Variants in BIVM observed in about 807,000 individuals in gnomAD.
BIVM encodes basic immunoglobulin-like variable motif-containing protein.
BIVM carries 31 observed loss-of-function variants against 61.4 expected under a neutral mutation model. The ratio of observed to expected loss-of-function variants is 0.51; its 90% CI spans 0.38 to 0.68. The LOEUF is 0.68. Among genes scored for constraint, BIVM ranks in the 30% least tolerant of loss-of-function variants. The pLI, the probability that BIVM is intolerant of heterozygous loss-of-function variation, is 0.00. For missense variants in BIVM, 526 were observed against 596.0 expected, an observed-to-expected ratio of 0.88 and a Z score of 1.22; for synonymous variants, 189 against 210.7, an observed-to-expected ratio of 0.90 and a Z score of 0.89.
At chr13:102,822,188 C>T (rs777957929) in intron 7 of BIVM, 29 bp downstream of exon 7, 59 of 1,582,332 alleles carry the variant, frequency 3.7e-5, no homozygotes, top group Non-Finnish European at 4.8e-5. Flanking sequence ...GATTTACATA[C>T]ACACATACAC....
rs1384526344 is a variant in BIVM at position 102,831,666 on chromosome 13, G to GCAA, written c.1005_1007dup (p.Thr336dup). 6.2e-7 allele frequency: 1 copy of GCAA among 1,613,988 alleles called. No homozygotes were observed. The highest frequency in any genetic ancestry group is 1.3e-5 in the African/African-American group (1 of 74,896). On this transcript the variant is annotated inframe_insertion, in exon 8 of 11. Coordinates refer to ENST00000257336, the MANE Select transcript of BIVM (RefSeq NM_017693.4). ...TTATTTTTGTCCAATTGGCTTCGAA[G>GCAA]CAACCCCTGTTAAAGCTAATAAAGC...
At position 102,831,622 on chromosome 13, in the gene BIVM, T is replaced by C. The variant is rs1405622998; in HGVS notation, c.959T>C (p.Ile320Thr). 1.2e-6 allele frequency: 2 copies of C among 1,614,146 alleles called. No homozygotes were observed. Residue 320 changes from isoleucine (I) to threonine (T), a missense_variant, in exon 8 of 11, where the codon ATC becomes ACC. Ile to Thr is a moderately conservative substitution (Grantham distance 89). Transcript: ENST00000257336. ...TTGAAAGATGAATCGCTGGCTTATA[T>C]CTATCATTGCCAAAATCATTATTTT... ...RGLKDESLAY[I>T]YHCQNHYFCP...
intron 3 of BIVM, among the ~76,000 whole-genome samples, chr13:102,812,896 A>G (rs1879598775): frequency 6.6e-6 from 1 of 152,234 alleles, no homozygotes; most frequent in Non-Finnish European, 1.5e-5. Flanking sequence ...ATCAGAACAC[A>G]GATTTCCAAT....
At position 102,799,374 on chromosome 13, in the gene BIVM, C is replaced by G. The variant is rs1878587604; in HGVS notation, c.-354C>G. The G allele has an allele frequency of 6.5e-6, 1 of 154,272 alleles. No individual in the cohort carries two copies. The highest frequency in any genetic ancestry group is 1.4e-5 in the Non-Finnish European group (1 of 69,506). The allele number at this position is 154,272 out of a possible 1,614,324, so 9.6% of individuals were successfully genotyped here. A position where few individuals can be genotyped will look rare whatever the true frequency, so the allele number is the denominator to read the frequency against. ...GACGACCTGTCGCCGGGCACCGCAG[C>G]ATCCTCGCTCGCTCCGATGGGACGA... On this transcript the variant is annotated 5_prime_UTR_variant, in exon 1 of 11. Transcript: ENST00000257336.
chr13:102,837,303 T>C (rs1179403458), intron 9 of BIVM, among the ~76,000 whole-genome samples: 1 of 152,296 alleles, frequency 6.6e-6, no homozygotes, highest in South Asian at 2.1e-4. Flanking sequence ...ATTCATAGTT[T>C]AGTTTTGGAA....
intron 9 of BIVM, among the ~76,000 whole-genome samples, chr13:102,836,786 A>G (rs534071930): frequency 1.1e-4 from 16 of 152,126 alleles, no homozygotes; most frequent in Non-Finnish European, 1.9e-4. Context: ...ACCCTGTCCT[A>G]CTAATCTGTC....
intron 7 of BIVM, among the ~76,000 whole-genome samples, chr13:102,825,269 A>G (rs1237847710): frequency 6.7e-6 from 1 of 150,188 alleles, no homozygotes; most frequent in Non-Finnish European, 1.5e-5. Context: ...AATTTTTTTC[A>G]ATTAAATTTT....
At chr13:102,827,478 C>A (rs778109648) in intron 7 of BIVM, among the ~76,000 whole-genome samples, 2 of 151,234 alleles carry the variant, frequency 1.3e-5, no homozygotes, top group Non-Finnish European at 2.9e-5. Flanking sequence ...CCAGAATATT[C>A]GACTTTTTAC....
intron 8 of BIVM, among the ~76,000 whole-genome samples, chr13:102,833,607 G>T (rs1007238988): frequency 2.0e-5 from 3 of 152,116 alleles, no homozygotes; most frequent in Non-Finnish European, 4.4e-5. Flanking sequence ...ATAGACGTGA[G>T]CCACCACACC....
rs1465161335 is a variant in BIVM at position 102,821,112 on chromosome 13, C to T, written c.681C>T (p.Tyr227=). The change falls in exon 5 of 11, where the codon TAC becomes TAT. Residue 227 remains tyrosine, a synonymous_variant. Transcript: ENST00000257336. ...TAATTTCTTGTTGGAATTTCTTATA[C>T]AGCACAATGGGAGCTGGAAAGTAAG... is the stretch of plus-strand genomic sequence containing the variant. The part of the protein sequence containing the change: ...SSLISCWNFL[Y]STMGAGNLPP... 6.2e-6 allele frequency: 10 copies of T among 1,613,118 alleles called. No individual in the cohort carries two copies. In the South Asian group the frequency reaches 7.7e-5, roughly 12 times the overall value.
intron 4 of BIVM, among the ~76,000 whole-genome samples, chr13:102,820,187 A>C (rs1430712404): frequency 2.0e-5 from 3 of 151,976 alleles, no homozygotes; most frequent in Non-Finnish European, 2.9e-5. Context: ...CCCTGTCTCT[A>C]CTAAAAATAC....
intron 8 of BIVM, among the ~76,000 whole-genome samples, chr13:102,833,341 T>TTTTTTTTTTTTTTTG (rs1881248610): frequency 7.1e-6 from 1 of 141,396 alleles, no homozygotes; most frequent in Non-Finnish European, 1.6e-5. Context: ...TTTTTTTTTT[T>TTTTTTTTTTTTTTTG]TTTTGAGACA....
chr13:102,822,127 C>G lies in BIVM; in HGVS notation c.869C>G (p.Pro290Arg). ...GGATGCTCTTATGTTCTATATAAGC[C>G]TCATGGGAAGAATAAAACAGCAGGA... ...VKGCSYVLYK[P>R]HGKNKTAGET... The change falls in exon 7 of 11, where the codon CCT becomes CGT. Residue 290 changes from proline to arginine, a missense_variant. Physicochemically the swap from Pro to Arg is moderately radical, Grantham distance 103. This residue lies in a region of BIVM where 312 missense variants were observed against 343.8 expected (regional missense o/e 0.91). Transcript: ENST00000257336. 1 of 1,613,808 alleles carries G rather than the reference C, an allele frequency of 6.2e-7. No homozygotes were observed. Among genetic ancestry groups the G allele is most frequent in the South Asian group, 1.1e-5 (1 of 91,056 alleles).
At chr13:102,834,857 G>T (rs1881353683) in intron 9 of BIVM, among the ~76,000 whole-genome samples, 1 of 152,116 alleles carries the variant, frequency 6.6e-6, no homozygotes, top group South Asian at 2.1e-4. Context: ...ACATTTTTGA[G>T]ATTCCTCCAT....
At position 102,839,640 on chromosome 13, in the gene BIVM, C is replaced by T. The variant is rs1881706490; in HGVS notation, c.1287C>T (p.Asn429=). 1.2e-6 allele frequency: 2 copies of T among 1,614,174 alleles called. No individual in the cohort carries two copies. Among genetic ancestry groups the T allele is most frequent in the Non-Finnish European group, 1.7e-6 (2 of 1,180,032 alleles). ...ACTGGCAAAGATTTGGCCTTTGGAA[C>T]TTTCCATTTGGAACCATTAGACAAG... is the stretch of plus-strand genomic sequence containing the variant. The part of the protein sequence containing the change: ...RLNWQRFGLW[N]FPFGTIRQES... The change falls in exon 11 of 11, where the codon AAC becomes AAT. Residue 429 remains asparagine, a synonymous_variant. Transcript: ENST00000257336.
intron 8 of BIVM, among the ~76,000 whole-genome samples, chr13:102,832,987 T>G (rs1881195820): frequency 6.6e-6 from 1 of 151,956 alleles, no homozygotes; most frequent in East Asian, 1.9e-4. Flanking sequence ...AATTGGTGGG[T>G]GGGGTGCAGT....
At chr13:102,803,627 G>A (rs1878880220) in intron 1 of BIVM, among the ~76,000 whole-genome samples, 1 of 151,970 alleles carries the variant, frequency 6.6e-6, no homozygotes, top group Non-Finnish European at 1.5e-5. Flanking sequence ...GATATAAAAG[G>A]GGCAGGGCCT....
chr13:102,837,957 G>A (rs1048971886), intron 9 of BIVM, among the ~76,000 whole-genome samples: 1 of 152,192 alleles, frequency 6.6e-6, no homozygotes, highest in Admixed American at 6.5e-5. Flanking sequence ...AGTGTACACT[G>A]CTTGGATGAT....
chr13:102,828,932 A>C (rs188130652), intron 7 of BIVM, among the ~76,000 whole-genome samples: 200 of 151,730 alleles, frequency 1.3e-3, no homozygotes, highest in Non-Finnish European at 2.4e-3. Flanking sequence ...TGGGAGGCTG[A>C]GGCACGAGAA....
Sources: allele counts gnomAD v4.1 joint callset (sites outside exome capture counted in the v4.1 genomes callset), GRCh38; gene constraint gnomAD v4.1.1; regional missense constraint gnomAD v4.1.1; transcripts MANE v1.5; gene names NCBI Gene and HGNC (gene_info 2026-07-23, HGNC 2026-07-21).